Variants in EDIL3 observed in about 807,000 individuals in gnomAD.
EDIL3 encodes EGF like and discoidin domains 3.
EDIL3 carries 37 observed loss-of-function variants against 67.4 expected under a neutral mutation model. That is an observed-to-expected ratio of 0.55 (90% CI 0.42 to 0.72). EDIL3 has a LOEUF of 0.72. Among genes scored for constraint, EDIL3 ranks in the 30% least tolerant of loss-of-function variants. The probability of loss-of-function intolerance (pLI) is 0.00; values close to 1 mark genes in which losing one functional copy is unlikely to be tolerated. For synonymous variants in EDIL3, 195 were observed against 196.3 expected (o/e 0.99, Z 0.05); for missense variants, 527 against 586.3 (o/e 0.90, Z 1.04).
At chr5:84,214,762 G>T (rs1441370891) in intron 3 of EDIL3, among the ~76,000 whole-genome samples, 3 of 151,778 alleles carry the variant, frequency 2.0e-5, no homozygotes, top group African/African-American at 7.3e-5. Context: ...ATGTCACCCA[G>T]GCTGGAGTGC....
chr5:84,092,807 AAAAC>A lies in EDIL3; in HGVS notation c.651+13838_651+13841del, dbSNP rs541708826. On this transcript the variant is annotated intron_variant, in intron 6 of 10. Transcript: ENST00000296591. ...TTAACATTTGAGGAAAAAAAAAACA[AAAAC>A]AAACAAACAAAAAACAGAAGTGGGA... is the stretch of plus-strand genomic sequence containing the variant. 2.1e-3 allele frequency among the ~76,000 whole-genome samples: 326 copies of A among 152,298 alleles called. 2 individuals carry two copies. The highest frequency in any genetic ancestry group is 7.4e-3 in the African/African-American group (308 of 41,562).
At chr5:84,206,162 C>T (rs1415890355) in intron 3 of EDIL3, among the ~76,000 whole-genome samples, 3 of 151,952 alleles carry the variant, frequency 2.0e-5, no homozygotes, top group East Asian at 3.9e-4. Flanking sequence ...GCCTTCATTT[C>T]GTTAGGTACC....
chr5:84,019,957 T>C (rs960471195), intron 9 of EDIL3, among the ~76,000 whole-genome samples: 5 of 151,194 alleles, frequency 3.3e-5, no homozygotes, highest in African/African-American at 1.2e-4. Context: ...AGGAAAGTGA[T>C]AGGGCACCAA....
chr5:84,003,176 C>G (rs564362219), intron 9 of EDIL3, among the ~76,000 whole-genome samples: 1 of 152,196 alleles, frequency 6.6e-6, no homozygotes, highest in Admixed American at 6.5e-5. Flanking sequence ...CCCAGGTCCC[C>G]GCTCTTCAAC....
intron 2 of EDIL3, 77 bp downstream of exon 2, chr5:84,254,007 A>G: frequency 6.9e-7 from 1 of 1,453,648 alleles, no homozygotes; most frequent in Non-Finnish European, 9.2e-7. Context: ...TAATCTCCAT[A>G]ATGCACCACA....
At chr5:84,371,296 C>T (rs1234708494) in intron 1 of EDIL3, among the ~76,000 whole-genome samples, 1 of 100,032 alleles carries the variant, frequency 1.0e-5, no homozygotes, top group Non-Finnish European at 2.3e-5. Context: ...CAACATATAG[C>T]AAGAGATACA....
At chr5:84,289,039 G>A (rs2112115902) in intron 1 of EDIL3, among the ~76,000 whole-genome samples, 1 of 152,210 alleles carries the variant, frequency 6.6e-6, no homozygotes, top group Admixed American at 6.5e-5. Flanking sequence ...AACTGTACCT[G>A]TCTTATCCTA....
chr5:84,056,492 TA>T (rs1746450083), intron 9 of EDIL3, among the ~76,000 whole-genome samples: 1 of 149,834 alleles, frequency 6.7e-6, no homozygotes, highest in Non-Finnish European at 1.5e-5. Context: ...TAAAGAATGT[TA>T]AAATGAGATT....
At chr5:83,957,979 C>T (rs747323803) in intron 10 of EDIL3, among the ~76,000 whole-genome samples, 30 of 151,534 alleles carry the variant, frequency 2.0e-4, no homozygotes, top group Non-Finnish European at 4.3e-4. Flanking sequence ...TATATTATTT[C>T]AATTTAAAAT....
chr5:84,373,474 A>G (rs1034244410), intron 1 of EDIL3, among the ~76,000 whole-genome samples: 12 of 152,042 alleles, frequency 7.9e-5, no homozygotes, highest in Non-Finnish European at 1.8e-4. Context: ...TCCCTTTAAA[A>G]CCCAATTCAA....
At position 83,942,515 on chromosome 5, in the gene EDIL3, C is replaced by T. The variant is rs972397347; in HGVS notation, c.*904G>A. The T allele has an allele frequency of 2.0e-5, 3 of 151,828 alleles. No individual in the cohort carries two copies. The highest frequency in any genetic ancestry group is 4.2e-4 in the South Asian group (2 of 4,812). 9.4% of individuals were successfully genotyped at this position (151,828 alleles called of 1,614,324 possible). ...AGTAAATATAAGGATATGTAATTAC[C>T]ATCTAAATGAAGATTTAAATTTAAA... On this transcript the variant is annotated 3_prime_UTR_variant, in exon 11 of 11. Coordinates refer to ENST00000296591, the MANE Select transcript of EDIL3 (RefSeq NM_005711.5).
chr5:84,155,399 A>AT (rs772164305), intron 4 of EDIL3, among the ~76,000 whole-genome samples: 8 of 152,062 alleles, frequency 5.3e-5, no homozygotes, highest in Admixed American at 1.3e-4. Context: ...GGGATTTGGC[A>AT]TTTTTTCTAT....
intron 4 of EDIL3, among the ~76,000 whole-genome samples, chr5:84,177,574 C>T (rs561629948): frequency 7.9e-5 from 12 of 152,024 alleles, no homozygotes; most frequent in Admixed American, 1.3e-4. Context: ...CTCTAAACTA[C>T]GGACTTTGGT....
intron 1 of EDIL3, among the ~76,000 whole-genome samples, chr5:84,280,829 A>G (rs2112106805): frequency 6.6e-6 from 1 of 151,350 alleles, no homozygotes; most frequent in East Asian, 2.0e-4. Context: ...CCATAGTCCC[A>G]TCTACACAGG....
chr5:84,167,006 T>C (rs1748716744), intron 4 of EDIL3, among the ~76,000 whole-genome samples: 1 of 152,150 alleles, frequency 6.6e-6, no homozygotes, highest in Admixed American at 6.6e-5. Context: ...GTTATTTTTG[T>C]TCACTATAAA....
chr5:83,967,809 G>A (rs1241180458), intron 9 of EDIL3, among the ~76,000 whole-genome samples: 1 of 152,092 alleles, frequency 6.6e-6, no homozygotes, highest in African/African-American at 2.4e-5. Context: ...AATGAAAAGT[G>A]ATACAGATAA....
chr5:84,074,088 A>G (rs1428744950), intron 6 of EDIL3, among the ~76,000 whole-genome samples: 22 of 151,884 alleles, frequency 1.4e-4, no homozygotes, highest in Middle Eastern at 3.4e-3. Context: ...AGAAAAACAA[A>G]CAATGGGGAA....
At chr5:84,203,431 G>A (rs1412590082) in intron 3 of EDIL3, among the ~76,000 whole-genome samples, 2 of 152,156 alleles carry the variant, frequency 1.3e-5, no homozygotes, top group African/African-American at 4.8e-5. Context: ...ACAGGACTAA[G>A]TCATACAGGT....
chr5:84,139,771 AGATAATTT>A (rs1287144686), intron 4 of EDIL3, among the ~76,000 whole-genome samples: 1 of 152,196 alleles, frequency 6.6e-6, no homozygotes, highest in Non-Finnish European at 1.5e-5. Flanking sequence ...CATAAGCAAA[AGATAATTT>A]GATCTTAGAC....
Sources: allele counts gnomAD v4.1 joint callset (sites outside exome capture counted in the v4.1 genomes callset), GRCh38; gene constraint gnomAD v4.1.1; transcripts MANE v1.5; gene names NCBI Gene and HGNC (gene_info 2026-07-23, HGNC 2026-07-21).